Variants in TPM3 observed in about 807,000 individuals in gnomAD.
TPM3 encodes tropomyosin alpha-3 chain.
A neutral mutation model predicts 43.1 loss-of-function variants in TPM3; 16 were observed. The observed-to-expected ratio is 0.37, with a 90% CI of 0.25 to 0.56. The LOEUF is 0.56. Ranked by LOEUF, TPM3 falls within the 20% of genes least tolerant of loss-of-function variation. TPM3 has a pLI of 0.77. For synonymous variants in TPM3, 101 were observed against 116.9 expected (o/e 0.86, Z 0.88); for missense variants, 176 against 337.2 (o/e 0.52, Z 3.74).
chr1:154,184,871 A>G (rs1663333287), intron 2 of TPM3, among the ~76,000 whole-genome samples: 1 of 151,720 alleles, frequency 6.6e-6, no homozygotes, highest in African/African-American at 2.4e-5. Flanking sequence ...CCAAGATTGT[A>G]TCACTGCCTC....
At chr1:154,174,923 C>T (rs1287232631) in intron 3 of TPM3, among the ~76,000 whole-genome samples, 2 of 152,152 alleles carry the variant, frequency 1.3e-5, no homozygotes, top group Non-Finnish European at 2.9e-5. Context: ...AGTTGTCAAG[C>T]ACCTCTGTTC....
In TPM3 at chr1:154,162,041, T is replaced by C. The variant is rs1272942507; in HGVS notation, c.*5896A>G. ...CGAAAAGGCAAGGCAGAGAACCTAT[T>C]TGGTCTAGCGTTCTTTTCAGCTATA... is the stretch of plus-strand genomic sequence containing the variant. On this transcript the variant is annotated 3_prime_UTR_variant, in exon 10 of 10. Transcript: ENST00000651641. Among the ~76,000 whole-genome samples, 1 of 152,134 alleles carries C rather than the reference T, an allele frequency of 6.6e-6. No homozygotes were observed. Among genetic ancestry groups the C allele is most frequent in the Non-Finnish European group, 1.5e-5 (1 of 68,028 alleles).
At chr1:154,157,376 C>T, downstream of TPM3, 1 of 560,994 alleles carries the variant, frequency 1.8e-6, no homozygotes, top group South Asian at 2.0e-5. Flanking sequence ...TCACAACATG[C>T]TTTTTAAAGA....
At chr1:154,155,579 C>T (rs1385094889), downstream of TPM3, 1 of 235,274 alleles carries the variant, frequency 4.3e-6, no homozygotes, top group Non-Finnish European at 8.4e-6. Context: ...TCAAAAGCAG[C>T]TTTCAAAGTT....
intron 3 of TPM3, among the ~76,000 whole-genome samples, chr1:154,173,715 C>T (rs1571408417): frequency 1.3e-5 from 2 of 151,738 alleles, no homozygotes; most frequent in East Asian, 1.9e-4. Context: ...CCTGGCCAAG[C>T]GCAGTGGCTC....
chr1:154,191,040 C>A (rs1663657668), intron 2 of TPM3, 146 bp downstream of exon 2: 2 of 1,285,630 alleles, frequency 1.6e-6, no homozygotes, highest in African/African-American at 1.5e-5. Context: ...TGAGAATATA[C>A]CAGCATGTGG....
At chr1:154,161,353 G>A (rs556971415), downstream of TPM3, among the ~76,000 whole-genome samples, 19 of 151,014 alleles carry the variant, frequency 1.3e-4, no homozygotes, top group South Asian at 1.7e-3. Flanking sequence ...TATAGATCTC[G>A]TGAACAGCCT....
Position 154,166,689 on chromosome 1 carries a change from C to CT in TPM3, c.*1247dup, listed in dbSNP as rs72189266. On this transcript the variant is annotated 3_prime_UTR_variant, in exon 10 of 10. Coordinates refer to ENST00000651641, the MANE Select transcript of TPM3 (RefSeq NM_152263.4). Reference sequence around the variant, plus strand: ...GCTGTGTAAATTGGAATGCGAATTCCTTTTTTTTTTTTGAGATGGAGTCTC... The same window carrying CT: ...GCTGTGTAAATTGGAATGCGAATTCCTTTTTTTTTTTTTGAGATGGAGTCTC... 330,703 of 889,562 alleles carry CT rather than the reference C, an allele frequency of 0.37. 18,450 individuals are homozygous for CT. The highest frequency in any genetic ancestry group is 0.55 in the Admixed American group (8,998 of 16,286). The allele number at this position is 889,562 out of a possible 1,614,324, so 55.1% of individuals were successfully genotyped here.
chr1:154,189,855 G>T (rs1663604632), intron 2 of TPM3, among the ~76,000 whole-genome samples: 1 of 150,060 alleles, frequency 6.7e-6, no homozygotes, highest in African/African-American at 2.5e-5. Flanking sequence ...ATGGCAGAGA[G>T]ACCAAATATG....
At chr1:154,177,171 T>C (rs1167133797) in intron 2 of TPM3, among the ~76,000 whole-genome samples, 5 of 152,138 alleles carry the variant, frequency 3.3e-5, no homozygotes, top group Non-Finnish European at 7.4e-5. Context: ...TCACCAGCCC[T>C]TCAACTTGTG....
At chr1:154,182,699 G>C (rs1300689640) in intron 2 of TPM3, among the ~76,000 whole-genome samples, 1 of 152,066 alleles carries the variant, frequency 6.6e-6, no homozygotes, top group East Asian at 1.9e-4. Flanking sequence ...CGCCCGGATC[G>C]GAGGCACTGA....
chr1:154,171,035 A>T, intron 6 of TPM3: 1 of 525,728 alleles, frequency 1.9e-6, no homozygotes, highest in East Asian at 3.4e-5. Context: ...AGGTCACATG[A>T]CTGAAACACA....
rs1660597750 is a variant in TPM3, at chr1:154,163,457, C to T, written c.*4480G>A. ...TCACTTCTTAACACTCAAAATGTAC[C>T]CTCAAATTACTAAAGTATCAATGCA... On this transcript the variant is annotated 3_prime_UTR_variant, in exon 10 of 10. Coordinates refer to ENST00000651641, the MANE Select transcript of TPM3 (RefSeq NM_152263.4). Among the ~76,000 whole-genome samples the T allele has an allele frequency of 6.6e-6, 1 of 152,054 alleles. No individual in the cohort carries two copies. The highest frequency in any genetic ancestry group is 1.5e-5 in the Non-Finnish European group (1 of 68,010).
rs1321589278 is a variant in TPM3 at position 154,165,411 on chromosome 1, G to T, written c.*2526C>A. Among the ~76,000 whole-genome samples, 1 of 151,770 alleles carries T rather than the reference G, an allele frequency of 6.6e-6. No individual in the cohort carries two copies. The highest frequency in any genetic ancestry group is 1.5e-5 in the Non-Finnish European group (1 of 67,942). ...AAAAAGAGAAAAATAAATAAATAAT[G>T]GAATGCTCAATATTCACTATCCCAC... On this transcript the variant is annotated 3_prime_UTR_variant, in exon 10 of 10. Coordinates refer to ENST00000651641, the MANE Select transcript of TPM3 (RefSeq NM_152263.4).
downstream of TPM3, among the ~76,000 whole-genome samples, chr1:154,160,837 T>C (rs1425459928): frequency 3.3e-5 from 5 of 152,148 alleles, no homozygotes; most frequent in African/African-American, 2.4e-5. Flanking sequence ...GCCAACATGA[T>C]GCTCAAAGAA....
chr1:154,188,189 G>A (rs200440711), intron 2 of TPM3, among the ~76,000 whole-genome samples: 1 of 151,440 alleles, frequency 6.6e-6, no homozygotes, highest in East Asian at 1.9e-4. Flanking sequence ...TGGAGTACGC[G>A]GGACTACCGG....
At chr1:154,170,812 A>T (rs1661492337) in intron 6 of TPM3, 101 bp from the exon 7 acceptor site, 1 of 838,556 alleles carries the variant, frequency 1.2e-6, no homozygotes, top group Non-Finnish European at 2.0e-6. Context: ...TCTTGCACTA[A>T]ATGTGCTGAA....
At chr1:154,182,466 AG>A (rs1215316935) in intron 2 of TPM3, among the ~76,000 whole-genome samples, 3 of 152,126 alleles carry the variant, frequency 2.0e-5, no homozygotes, top group Admixed American at 2.0e-4. Context: ...GAGCAGGAGG[AG>A]GGAGCGGAAA....
rs540872383 is a variant in TPM3 at position 154,166,519 on chromosome 1, G to C, written c.*1418C>G. The C allele has an allele frequency of 7.6e-6, 8 of 1,055,742 alleles. No homozygotes were observed. In the African/African-American group the frequency reaches 9.9e-5, roughly 13 times the overall value. 65.4% of individuals were successfully genotyped at this position (1,055,742 alleles called of 1,614,324 possible). A position where few individuals can be genotyped will look rare whatever the true frequency, so the allele number is the denominator to read the frequency against. ...TGCCTCAGCCTCCCAAGAAGCTACA[G>C]GCAGTACAGGCAAGTGCCATTGCAC... is the stretch of plus-strand genomic sequence containing the variant. On this transcript the variant is annotated 3_prime_UTR_variant, in exon 10 of 10. Transcript: ENST00000651641.
Sources: gnomAD v4.1 joint callset for allele counts (sites outside exome capture counted in the v4.1 genomes callset) on GRCh38, gnomAD v4.1.1 for gene constraint, MANE v1.5 for transcripts, NCBI Gene and HGNC (gene_info 2026-07-23, HGNC 2026-07-21) for gene names.